The following PHEX variants were observed in gnomAD, a reference collection of about 807,000 sequenced individuals.
The protein encoded by PHEX is phosphate regulating endopeptidase X-linked.
A neutral mutation model predicts 68.0 loss-of-function variants in PHEX; 16 were observed. The observed-to-expected ratio is 0.24, with a 90% CI of 0.16 to 0.36. The LOEUF is 0.36. Ranked by LOEUF, PHEX falls within the 10% of genes least tolerant of loss-of-function variation. PHEX has a pLI of 1.00. For synonymous variants in PHEX, 208 were observed against 205.1 expected (o/e 1.01, Z -0.12); for missense variants, 480 against 575.5 (o/e 0.83, Z 1.70).
intron 11 of PHEX, among the ~76,000 whole-genome samples, chrX:22,124,153 A>G (rs1276160643): frequency 8.9e-6 from 1 of 111,768 alleles, no homozygotes; most frequent in African/African-American, 3.3e-5. Flanking sequence ...GAATAGGTCC[A>G]GATTTCATAA....
intron 20 of PHEX, among the ~76,000 whole-genome samples, chrX:22,238,394 G>A (rs1379637918): frequency 9.0e-6 from 1 of 111,577 alleles, no homozygotes; most frequent in African/African-American, 3.3e-5. Flanking sequence ...GAGGAACAGT[G>A]CACTCCAGCC....
chrX:22,199,960 C>T (rs1934495734), intron 15 of PHEX, among the ~76,000 whole-genome samples: 2 of 111,471 alleles, frequency 1.8e-5, no homozygotes, highest in Admixed American at 9.5e-5. Context: ...AGGACAAGAG[C>T]GGGGACTACT....
intron 3 of PHEX, among the ~76,000 whole-genome samples, chrX:22,063,468 T>C (rs1257979799): frequency 1.8e-5 from 2 of 112,160 alleles, no homozygotes; most frequent in Non-Finnish European, 3.8e-5. Context: ...AAGTTGGGGT[T>C]TGAAAGCTGC....
chrX:22,197,561 A>G (rs944493189), intron 15 of PHEX, among the ~76,000 whole-genome samples: 1 of 110,800 alleles, frequency 9.0e-6, no homozygotes, highest in Non-Finnish European at 1.9e-5. Context: ...TTGGAAGTAG[A>G]TCCCCAGTGC....
chrX:22,086,001 A>G (rs753273143), intron 5 of PHEX, among the ~76,000 whole-genome samples: 1 of 111,824 alleles, frequency 8.9e-6, no homozygotes, highest in Non-Finnish European at 1.9e-5. Context: ...GGTATTTATA[A>G]TTGAGATAGG....
intron 12 of PHEX, 135 bp downstream of exon 12, chrX:22,133,759 TTTTGGATGAATACATAGATTTTTG>T (rs1439508234): frequency 1.4e-5 from 7 of 499,133 alleles, no homozygotes; most frequent in African/African-American, 2.4e-5. Context: ...AGCTGTCTGC[TTTTGGATGAATACATAGATTTTTG>T]TTTCACCAGG....
intron 9 of PHEX, among the ~76,000 whole-genome samples, chrX:22,105,226 C>T (rs969032514): frequency 8.9e-6 from 1 of 112,261 alleles, no homozygotes; most frequent in African/African-American, 3.2e-5. Context: ...ATAAGATCCC[C>T]AGGGGACTCA....
chrX:22,149,474 C>A (rs1438795844), intron 12 of PHEX, among the ~76,000 whole-genome samples: 1 of 112,752 alleles, frequency 8.9e-6, no homozygotes, highest in Non-Finnish European at 1.9e-5. Flanking sequence ...AGGCTGGGCC[C>A]GTGGCTCATG....
chrX:22,047,802 G>A (rs996226321), intron 3 of PHEX, among the ~76,000 whole-genome samples: 6 of 111,558 alleles, frequency 5.4e-5, no homozygotes, highest in Non-Finnish European at 7.5e-5. Context: ...CCTGCCCCCC[G>A]CCAAAGTTGG....
chrX:22,054,192 T>C (rs1387970575), intron 3 of PHEX, among the ~76,000 whole-genome samples: 1 of 111,833 alleles, frequency 8.9e-6, no homozygotes, highest in Non-Finnish European at 1.9e-5. Context: ...TGGAGTACAG[T>C]GGCACCATCT....
At chrX:22,045,995 A>G (rs759298159) in intron 2 of PHEX, among the ~76,000 whole-genome samples, 2 of 112,545 alleles carry the variant, frequency 1.8e-5, no homozygotes, top group African/African-American at 6.4e-5. Flanking sequence ...CACCCAAACC[A>G]TAGAGGCCTG....
At chrX:22,243,425 G>C (rs1307593888) in intron 20 of PHEX, among the ~76,000 whole-genome samples, 1 of 112,003 alleles carries the variant, frequency 8.9e-6, no homozygotes, top group Non-Finnish European at 1.9e-5. Flanking sequence ...AGCCAAAATT[G>C]ACAAATGGAA....
At chrX:22,223,728 C>CCTGT (rs1170348514) in intron 18 of PHEX, among the ~76,000 whole-genome samples, 20 of 112,165 alleles carry the variant, frequency 1.8e-4, no homozygotes, top group African/African-American at 6.2e-4. Flanking sequence ...AGAGAGAGAC[C>CCTGT]CTGTCTCAAA....
chrX:22,096,587 A>C (rs2071585), intron 7 of PHEX, among the ~76,000 whole-genome samples: 37,299 of 110,994 alleles, frequency 0.34, 5,553 homozygotes, highest in African/African-American at 0.57. Flanking sequence ...TGGTTCATGA[A>C]ATATTGAAAT....
chrX:22,114,348 G>A, intron 10 of PHEX, 110 bp from the exon 11 acceptor site: 2 of 697,139 alleles, frequency 2.9e-6, no homozygotes, highest in East Asian at 3.2e-5. Flanking sequence ...CATATATATG[G>A]GTTAGGGTGT....
intron 3 of PHEX, among the ~76,000 whole-genome samples, chrX:22,050,691 CT>C (rs1026709862): frequency 2.7e-5 from 3 of 110,067 alleles, no homozygotes; most frequent in African/African-American, 9.9e-5. Context: ...AAAACGTACA[CT>C]TTTTTTGTTT....
chrX:22,099,099 G>A lies in PHEX; in HGVS notation c.1027G>A (p.Val343Ile), dbSNP rs768400503. Residue 343 changes from valine to isoleucine, a missense_variant, in exon 9 of 22, where the codon GTC (valine) becomes ATC (isoleucine). Coordinates refer to ENST00000379374, the MANE Select transcript of PHEX (RefSeq NM_000444.6). ...CCCCTCCGAGAATGTGGTGGTCCGC[G>A]TCCCGCAGTACTTTAAAGATTTGTT... Reference protein sequence around the residue: ...ISPSENVVVRVPQYFKDLFRI... With the variant: ...ISPSENVVVRIPQYFKDLFRI... The A allele has an allele frequency of 3.1e-5, 37 of 1,206,719 alleles. No homozygotes were observed. The highest frequency in any genetic ancestry group is 2.0e-4 in the Admixed American group (9 of 45,621).
chrX:22,127,703 C>A (rs376511339), intron 11 of PHEX, among the ~76,000 whole-genome samples: 103 of 94,076 alleles, frequency 1.1e-3, no homozygotes, highest in African/African-American at 3.6e-3. Context: ...TAAAGTCTGC[C>A]AAAAAAAAAA....
intron 12 of PHEX, 120 bp downstream of exon 12, chrX:22,133,744 G>C: frequency 3.7e-6 from 2 of 536,726 alleles, no homozygotes; most frequent in South Asian, 5.6e-5. Context: ...AATGACCCCA[G>C]AGTTAGCTGT....
Sources: gnomAD v4.1 joint callset for allele counts (sites outside exome capture counted in the v4.1 genomes callset) on GRCh38, gnomAD v4.1.1 for gene constraint, MANE v1.5 for transcripts, NCBI Gene and HGNC (gene_info 2026-07-23, HGNC 2026-07-21) for gene names.